Variants in SEC24B observed in about 807,000 individuals in gnomAD.
SEC24B encodes the protein SEC24 homolog B, COPII component.
A neutral mutation model predicts 142.8 loss-of-function variants in SEC24B; 45 were observed. The ratio of observed to expected loss-of-function variants is 0.32; its 90% CI spans 0.25 to 0.40. The LOEUF (loss-of-function observed/expected upper bound fraction) is 0.40. Ranked by LOEUF, SEC24B falls within the 10% of genes least tolerant of loss-of-function variation. The pLI is 1.00. For synonymous variants in SEC24B, 574 were observed against 568.2 expected, an observed-to-expected ratio of 1.01 and a Z score of -0.15; for missense variants, 1,409 against 1,526.8, an observed-to-expected ratio of 0.92 and a Z score of 1.29.
intron 1 of SEC24B, among the ~76,000 whole-genome samples, chr4:109,436,560 T>G (rs1171413167): frequency 3.3e-5 from 5 of 152,218 alleles, no homozygotes; most frequent in African/African-American, 1.2e-4. Flanking sequence ...CCTAAAACCC[T>G]TGTAATTTCC....
chr4:109,503,413 A>G lies in SEC24B; in HGVS notation c.1489-2915A>G, dbSNP rs1438555607. On this transcript the variant is annotated intron_variant, in intron 6 of 23. Transcript: ENST00000265175. ...GCTAATTTTTCAATTTTTAGTAGAG[A>G]TGGGGTTTCACCATGTTGGCCAGGC... is the stretch of plus-strand genomic sequence containing the variant. 2.6e-5 allele frequency among the ~76,000 whole-genome samples: 4 copies of G among 152,024 alleles called. No homozygotes were observed. In the East Asian group the frequency reaches 7.7e-4, roughly 29 times the overall value.
At chr4:109,482,936 C>CTATGTATATATA (rs1733881404) in intron 4 of SEC24B, among the ~76,000 whole-genome samples, 2 of 34,598 alleles carry the variant, frequency 5.8e-5, no homozygotes, top group Admixed American at 5.6e-4. Context: ...CAGGCTTGTA[C>CTATGTATATATA]TATATATATA....
intron 4 of SEC24B, among the ~76,000 whole-genome samples, chr4:109,490,118 G>A (rs556589587): frequency 1.3e-5 from 2 of 152,130 alleles, no homozygotes; most frequent in South Asian, 2.1e-4. Context: ...TTAAAAAATC[G>A]TTAGCATTTT....
intron 11 of SEC24B, among the ~76,000 whole-genome samples, chr4:109,518,031 G>C (rs888597296): frequency 5.3e-5 from 8 of 151,860 alleles, no homozygotes; most frequent in Non-Finnish European, 1.0e-4. Context: ...GCAGTGGCGC[G>C]ATCTCAGCTC....
chr4:109,526,187 T>G, intron 16 of SEC24B, 39 bp from the exon 17 acceptor site: 1 of 1,586,536 alleles, frequency 6.3e-7, no homozygotes, highest in Non-Finnish European at 8.6e-7. Flanking sequence ...GTGAAGATAC[T>G]ATTGTTAACT....
chr4:109,512,518 T>C (rs955019754), intron 9 of SEC24B, among the ~76,000 whole-genome samples: 3 of 152,200 alleles, frequency 2.0e-5, no homozygotes, highest in Admixed American at 2.0e-4. Flanking sequence ...TTCAAATTTA[T>C]GTTTCTCTGT....
intron 10 of SEC24B, among the ~76,000 whole-genome samples, chr4:109,515,389 C>T (rs1737823711): frequency 1.3e-5 from 2 of 152,334 alleles, no homozygotes; most frequent in South Asian, 4.1e-4. Flanking sequence ...GCGTGAGCTA[C>T]TGCTCCTGGC....
At chr4:109,497,555 C>CTTT (rs11413496) in intron 6 of SEC24B, among the ~76,000 whole-genome samples, 2 of 141,564 alleles carry the variant, frequency 1.4e-5, no homozygotes, top group African/African-American at 5.0e-5. Context: ...TCCCACCTTT[C>CTTT]TTTTTTTTTT....
At chr4:109,445,519 T>C (rs1457994024) in intron 1 of SEC24B, among the ~76,000 whole-genome samples, 1 of 151,712 alleles carries the variant, frequency 6.6e-6, no homozygotes, top group African/African-American at 2.4e-5. Context: ...CCCAAAGTGC[T>C]GGGATTACAG....
At position 109,530,413 on chromosome 4, in the gene SEC24B, G is replaced by A. The variant is rs376496488; in HGVS notation, c.3201G>A (p.Ala1067=). 5.0e-5 allele frequency: 81 copies of A among 1,613,852 alleles called. 1 individual carries two copies. The highest frequency in any genetic ancestry group is 2.9e-4 in the South Asian group (26 of 91,076). ...VSNLQHSALM[A]PSSLKLFPLY... is the part of the protein sequence containing the mutation. ...ATTTACAGCACTCTGCATTGATGGC[G>A]CCCAGCTCCCTCAAGTTGTTTCCTC... is the stretch of plus-strand genomic sequence containing the variant. The change falls in exon 19 of 24, where the codon GCG becomes GCA. Residue 1067 remains alanine (A), a synonymous_variant. Coordinates refer to ENST00000265175, the MANE Select transcript of SEC24B (RefSeq NM_006323.5).
intron 1 of SEC24B, among the ~76,000 whole-genome samples, chr4:109,434,716 A>G (rs1728235941): frequency 1.3e-5 from 2 of 152,240 alleles, no homozygotes; most frequent in African/African-American, 4.8e-5. Context: ...AAACGGATTT[A>G]AACGAACATC....
Position 109,445,691 on chromosome 4 carries a change from C to T in SEC24B, c.133+11689C>T, listed in dbSNP as rs529224284. Among the ~76,000 whole-genome samples, 6 of 152,156 alleles carry T rather than the reference C, an allele frequency of 3.9e-5. No homozygotes were observed. In the East Asian group the frequency reaches 7.7e-4, roughly 20 times the overall value. The stretch of plus-strand genomic sequence containing the variant: ...TGAAGCAAGCCTAGCACCTCAGCCT[C>T]CCAAGTTACTGGGACTACAGGCACA... On this transcript the variant is annotated intron_variant, in intron 1 of 23. Transcript: ENST00000265175.
At chr4:109,517,969 T>C (rs568084757) in intron 11 of SEC24B, among the ~76,000 whole-genome samples, 1 of 151,352 alleles carries the variant, frequency 6.6e-6, no homozygotes, top group East Asian at 1.9e-4. Flanking sequence ...ATTTATTTAT[T>C]TATTTATTTA....
chr4:109,525,358 A>G lies in SEC24B; in HGVS notation c.2645A>G (p.Lys882Arg), dbSNP rs1464558183. 1.9e-6 allele frequency: 3 copies of G among 1,594,456 alleles called. No individual in the cohort carries two copies. The highest frequency in any genetic ancestry group is 2.6e-6 in the Non-Finnish European group (3 of 1,172,842). The stretch of plus-strand genomic sequence containing the variant: ...TTTCTCTCTAAAGCTTGCATGTCCA[A>G]GTATTCTGCAGGGTGCATCTATTAT... ...SDLASLACMS[K>R]YSAGCIYYYP... Residue 882 changes from lysine (K) to arginine (R), a missense_variant, in exon 16 of 24, where the codon AAG becomes AGG. Lys to Arg is a conservative substitution (Grantham distance 26, BLOSUM62 2). Around this residue, in one of 2 missense-constraint regions of SEC24B, gnomAD observed 700 missense variants for 853.3 expected, o/e 0.82. Coordinates refer to ENST00000265175, the MANE Select transcript of SEC24B (RefSeq NM_006323.5).
rs115442388 is a variant in SEC24B, at chr4:109,494,400, A to G, written c.1247-215A>G. On this transcript the variant is annotated intron_variant, in intron 5 of 23. Transcript: ENST00000265175. The stretch of plus-strand genomic sequence containing the variant: ...AAAAAGATGTAGTATGACAACATGT[A>G]AAACAAGATAACAAAATATTGATAA... Among the ~76,000 whole-genome samples, 1,317 of 152,304 alleles carry G rather than the reference A, an allele frequency of 8.6e-3. 24 individuals carry two copies. Among genetic ancestry groups the G allele is most frequent in the African/African-American group, 0.03 (1,257 of 41,538 alleles).
chr4:109,501,843 C>G (rs749452489), intron 6 of SEC24B, among the ~76,000 whole-genome samples: 1 of 152,216 alleles, frequency 6.6e-6, no homozygotes, highest in African/African-American at 2.4e-5. Context: ...TGTGGCAGTA[C>G]TATTCTAGGC....
intron 6 of SEC24B, among the ~76,000 whole-genome samples, chr4:109,499,577 GATGGACCACAT>G (rs1240458952): frequency 1.3e-5 from 2 of 152,164 alleles, no homozygotes; most frequent in African/African-American, 4.8e-5. Context: ...TTTAGTCAAT[GATGGACCACAT>G]ATGTGATGGT....
At chr4:109,469,117 A>G (rs909859292) in intron 2 of SEC24B, among the ~76,000 whole-genome samples, 11 of 152,226 alleles carry the variant, frequency 7.2e-5, no homozygotes, top group African/African-American at 2.7e-4. Context: ...AGGAACTGCC[A>G]TAATTATCAA....
intron 22 of SEC24B, among the ~76,000 whole-genome samples, chr4:109,536,335 T>G (rs1040752502): frequency 7.2e-5 from 11 of 152,260 alleles, no homozygotes; most frequent in African/African-American, 2.6e-4. Context: ...TGGTAAAGAT[T>G]GCATTTCAAA....
Sources: allele counts gnomAD v4.1 joint callset (sites outside exome capture counted in the v4.1 genomes callset), GRCh38; gene constraint gnomAD v4.1.1; regional missense constraint gnomAD v4.1.1; transcripts MANE v1.5; gene names NCBI Gene and HGNC (gene_info 2026-07-23, HGNC 2026-07-21).